WDR72: variants seen among roughly 807,000 people sequenced by gnomAD.
The protein encoded by WDR72 is WD repeat domain 72.
WDR72 carries 120 observed loss-of-function variants against 124.2 expected under a neutral mutation model. The observed-to-expected ratio is 0.97, with a 90% CI of 0.83 to 1.12. The LOEUF is 1.12. WDR72 is among the 50% of genes most tolerant of loss of function. WDR72 has a pLI of 0.00. For synonymous variants in WDR72, 452 were observed against 441.7 expected, an observed-to-expected ratio of 1.02 and a Z score of -0.29; for missense variants, 1,387 against 1,278.8, an observed-to-expected ratio of 1.08 and a Z score of -1.29.
intron 12 of WDR72, among the ~76,000 whole-genome samples, chr15:53,700,800 T>C (rs1358325638): frequency 3.9e-5 from 6 of 152,170 alleles, no homozygotes; most frequent in South Asian, 2.1e-4. Flanking sequence ...GCAGGTGTGA[T>C]AGATCTGGAG....
chr15:53,728,472 A>T (rs968961720), intron 2 of WDR72, among the ~76,000 whole-genome samples: 1 of 152,192 alleles, frequency 6.6e-6, no homozygotes, highest in Non-Finnish European at 1.5e-5. Context: ...TTAAATCCCC[A>T]TTTCACAGGT....
intron 13 of WDR72, among the ~76,000 whole-genome samples, chr15:53,693,527 A>C (rs1413035134): frequency 6.6e-6 from 1 of 152,158 alleles, no homozygotes; most frequent in Non-Finnish European, 1.5e-5. Flanking sequence ...TCATTTCTTT[A>C]TATTTTTATC....
At position 53,646,500 on chromosome 15, in the gene WDR72, G is replaced by C. The variant is rs539646449; in HGVS notation, c.1962+19072C>G. Among the ~76,000 whole-genome samples the C allele has an allele frequency of 4.6e-5, 7 of 152,116 alleles. No individual in the cohort carries two copies. The East Asian group carries it at 1.4e-3, about 29-fold the overall frequency. ...AAGGTAAAGGAGGGAGTGAGGGATAGAAAAAGAAAAGAAATAAGGTAAACA... is the reference window on the plus strand; with the variant it reads ...AAGGTAAAGGAGGGAGTGAGGGATACAAAAAGAAAAGAAATAAGGTAAACA... On this transcript the variant is annotated intron_variant, in intron 14 of 19. Coordinates refer to ENST00000360509, the MANE Select transcript of WDR72 (RefSeq NM_182758.4).
chr15:53,594,174 T>C (rs1218829832), intron 18 of WDR72, among the ~76,000 whole-genome samples: 1 of 152,032 alleles, frequency 6.6e-6, no homozygotes, highest in African/African-American at 2.4e-5. Context: ...GCCATATTGC[T>C]ATAATCCTAA....
intron 2 of WDR72, among the ~76,000 whole-genome samples, chr15:53,729,770 C>G (rs11853527): frequency 0.29 from 44,428 of 151,880 alleles, 8,083 homozygotes; most frequent in East Asian, 0.46. Flanking sequence ...TAACAGGATA[C>G]CACTTAACAC....
chr15:53,616,074 T>A lies in WDR72; in HGVS notation c.2132A>T (p.Glu711Val). Residue 711 changes from glutamate (E) to valine (V), a missense_variant, in exon 15 of 20, where the codon GAG (glutamate) becomes GTG (valine). Transcript: ENST00000360509. The part of the protein sequence containing the change: ...VDSSSSFYGG[E>V]VLRRAKSTVE... ...TGTGCTCTTGGCTCTTCTCAGGACC[T>A]CACCACCATAGAATGAACTGGAAGA... The A allele has an allele frequency of 6.2e-7, 1 of 1,608,970 alleles. No homozygotes were observed. Among genetic ancestry groups the A allele is most frequent in the Non-Finnish European group, 8.5e-7 (1 of 1,176,974 alleles).
At chr15:53,620,627 C>T (rs2013953588) in intron 14 of WDR72, among the ~76,000 whole-genome samples, 1 of 152,096 alleles carries the variant, frequency 6.6e-6, no homozygotes, top group African/African-American at 2.4e-5. Context: ...CCTCATCTCT[C>T]ACCTTAAACA....
rs777274290 is a variant in WDR72 at position 53,699,941 on chromosome 15, C to T, written c.1574G>A (p.Arg525Lys). 36 of 1,614,036 alleles carry T rather than the reference C, an allele frequency of 2.2e-5. No homozygotes were observed. The highest frequency in any genetic ancestry group is 1.0e-4 in the Admixed American group (6 of 59,984). ...LLMSPEKFKL[R>K]GEQIICCVCG... ...CACACAGCAAATTATCTGCTCACCC[C>T]TTAGCTGTGAAAAAACAACATGCTT... The change falls in exon 13 of 20, where the codon AGG becomes AAG. Residue 525 changes from arginine to lysine, a missense_variant. By Grantham distance (26) the Arg-to-Lys change is conservative. Coordinates refer to ENST00000360509, the MANE Select transcript of WDR72 (RefSeq NM_182758.4).
At chr15:53,686,210 A>G in intron 13 of WDR72, among the ~76,000 whole-genome samples, 1 of 150,934 alleles carries the variant, frequency 6.6e-6, no homozygotes, top group Non-Finnish European at 1.5e-5. Context: ...ACACATAACA[A>G]TATTAACTTT....
intron 6 of WDR72, 26 bp from the exon 7 acceptor site, chr15:53,712,917 G>A (rs2017588542): frequency 6.2e-7 from 1 of 1,611,536 alleles, no homozygotes; most frequent in African/African-American, 1.3e-5. Context: ...AAATCTTTTA[G>A]TACTAGTTCC....
At chr15:53,596,713 G>A (rs980612094) in intron 18 of WDR72, among the ~76,000 whole-genome samples, 2 of 152,066 alleles carry the variant, frequency 1.3e-5, no homozygotes, top group Admixed American at 1.3e-4. Context: ...ATAGGATCTA[G>A]AAGTCCTTCA....
chr15:53,646,941 T>C (rs968403036), intron 14 of WDR72, among the ~76,000 whole-genome samples: 2 of 152,072 alleles, frequency 1.3e-5, no homozygotes, highest in Admixed American at 6.6e-5. Context: ...TTCCCCCAAA[T>C]TGTAGGGTAT....
intron 14 of WDR72, among the ~76,000 whole-genome samples, chr15:53,622,120 A>G (rs997560920): frequency 2.0e-5 from 3 of 152,116 alleles, no homozygotes; most frequent in Admixed American, 6.5e-5. Flanking sequence ...AAAGTCAAGA[A>G]ACAACAGATA....
intron 13 of WDR72, among the ~76,000 whole-genome samples, chr15:53,676,418 A>C (rs1032509890): frequency 1.3e-5 from 2 of 152,390 alleles, no homozygotes; most frequent in East Asian, 3.9e-4. Context: ...GAATGCAGAA[A>C]GTTCTCTCCA....
intron 7 of WDR72, among the ~76,000 whole-genome samples, chr15:53,712,337 C>A (rs911481942): frequency 6.6e-6 from 1 of 152,142 alleles, no homozygotes; most frequent in Non-Finnish European, 1.5e-5. Context: ...GTGGCTCACG[C>A]CTGTAATCCC....
chr15:53,540,554 C>G (rs1313661640), intron 18 of WDR72, among the ~76,000 whole-genome samples: 1 of 106,532 alleles, frequency 9.4e-6, no homozygotes, highest in Non-Finnish European at 2.0e-5. Context: ...AACAATACAG[C>G]AAACCAAAGG....
At chr15:53,721,049 A>G (rs1333639754) in intron 3 of WDR72, among the ~76,000 whole-genome samples, 1 of 152,174 alleles carries the variant, frequency 6.6e-6, no homozygotes, top group East Asian at 1.9e-4. Context: ...TAAAGTTAAG[A>G]CTTGCTAAGA....
At chr15:53,563,904 T>C (rs554506758) in intron 18 of WDR72, among the ~76,000 whole-genome samples, 2 of 151,920 alleles carry the variant, frequency 1.3e-5, no homozygotes, top group Non-Finnish European at 2.9e-5. Flanking sequence ...ACCTAAATGA[T>C]AGTAAAAGCC....
chr15:53,561,734 T>A lies in WDR72; in HGVS notation c.3148+35345A>T, dbSNP rs74899479. The stretch of plus-strand genomic sequence containing the variant: ...GCAGTACTTCTAAACTCTGTCTGCA[T>A]TTTAGGTTCACCTGAGGACCTCTTA... On this transcript the variant is annotated intron_variant, in intron 18 of 19. Coordinates refer to ENST00000360509, the MANE Select transcript of WDR72 (RefSeq NM_182758.4). 8.7e-3 allele frequency among the ~76,000 whole-genome samples: 1,320 copies of A among 151,910 alleles called. 26 individuals carry two copies. Among genetic ancestry groups the A allele is most frequent in the African/African-American group, 0.031 (1,275 of 41,534 alleles).
Sources: gnomAD v4.1 joint callset for allele counts (sites outside exome capture counted in the v4.1 genomes callset) on GRCh38, gnomAD v4.1.1 for gene constraint, MANE v1.5 for transcripts, NCBI Gene and HGNC (gene_info 2026-07-23, HGNC 2026-07-21) for gene names.